The following EYS variants were observed in gnomAD, a reference collection of about 807,000 sequenced individuals.
EYS encodes the protein EGF-like photoreceptor maintenance factor.
EYS carries 250 observed loss-of-function variants against 282.1 expected under a neutral mutation model. The ratio of observed to expected loss-of-function variants is 0.89; its 90% confidence interval spans 0.80 to 0.98. EYS has a LOEUF of 0.98. Among genes scored for constraint, EYS ranks in the 50% least tolerant of loss-of-function variants. The pLI is 0.00. For missense variants in EYS, 4,016 were observed against 3,709.0 expected (o/e 1.08, Z -2.15); for synonymous variants, 1,355 against 1,282.9 (o/e 1.06, Z -1.20).
chr6:64,200,214 A>G (rs1765420716), intron 31 of EYS, among the ~76,000 whole-genome samples: 1 of 152,148 alleles, frequency 6.6e-6, no homozygotes, highest in Non-Finnish European at 1.5e-5. Flanking sequence ...CACAGGTGAT[A>G]TAACAGTGGT....
chr6:65,191,479 C>A (rs576908290), intron 12 of EYS, among the ~76,000 whole-genome samples: 10 of 151,850 alleles, frequency 6.6e-5, no homozygotes, highest in African/African-American at 2.4e-4. Flanking sequence ...CCAAAGAACT[C>A]AGAAAAATAT....
chr6:65,107,759 T>C (rs1775085847), intron 12 of EYS, among the ~76,000 whole-genome samples: 1 of 152,036 alleles, frequency 6.6e-6, no homozygotes, highest in Non-Finnish European at 1.5e-5. Context: ...CATTTGTTAA[T>C]GTCTAATGCA....
At chr6:63,878,689 C>T (rs1773046427) in intron 35 of EYS, among the ~76,000 whole-genome samples, 1 of 152,316 alleles carries the variant, frequency 6.6e-6, no homozygotes. Flanking sequence ...GACGCCCCTC[C>T]CCCACCCTTG....
At position 64,642,310 on chromosome 6, in the gene EYS, T is replaced by A. The variant is rs576790624; in HGVS notation, c.3444-16065A>T. Among the ~76,000 whole-genome samples, 286 of 152,360 alleles carry A rather than the reference T, an allele frequency of 1.9e-3. 2 individuals are homozygous for A. Among genetic ancestry groups the A allele is most frequent in the African/African-American group, 6.3e-3 (262 of 41,592 alleles). On this transcript the variant is annotated intron_variant, in intron 22 of 42. Transcript: ENST00000503581. ...TAACATTCATCTTAATAAACTTTTT[T>A]AATAATTACCAGTTTTCAGAACACA...
At chr6:64,382,268 G>T (rs1772771037) in intron 29 of EYS, among the ~76,000 whole-genome samples, 1 of 152,100 alleles carries the variant, frequency 6.6e-6, no homozygotes, top group South Asian at 2.1e-4. Flanking sequence ...CTCTCCTGAG[G>T]TTATGTCATC....
Position 65,005,830 on chromosome 6 carries a change from T to C in EYS, c.2138-8127A>G, listed in dbSNP as rs115096259. Among the ~76,000 whole-genome samples the C allele has an allele frequency of 8.5e-4, 129 of 152,294 alleles. 1 individual carries two copies. Among genetic ancestry groups the C allele is most frequent in the African/African-American group, 2.8e-3 (118 of 41,560 alleles). On this transcript the variant is annotated intron_variant, in intron 13 of 42. Coordinates refer to ENST00000503581, the MANE Select transcript of EYS (RefSeq NM_001142800.2). Reference sequence around the variant, plus strand: ...GTTAAGATCATGGCACAGCCAGAAGTCTCTACCCAGCAGTCGCCCATGCGT... The same window carrying C: ...GTTAAGATCATGGCACAGCCAGAAGCCTCTACCCAGCAGTCGCCCATGCGT...
chr6:65,209,876 T>C (rs1036392519), intron 12 of EYS, among the ~76,000 whole-genome samples: 3 of 151,770 alleles, frequency 2.0e-5, no homozygotes, highest in East Asian at 3.9e-4. Context: ...GAACAACACA[T>C]ATAAAAGCCC....
chr6:64,320,118 T>G (rs1355154728), intron 29 of EYS, among the ~76,000 whole-genome samples: 1 of 151,990 alleles, frequency 6.6e-6, no homozygotes, highest in East Asian at 1.9e-4. Flanking sequence ...AGTCAGCACT[T>G]AAAAGATATT....
Position 64,696,579 on chromosome 6 carries a change from G to GA in EYS, c.3444-70335dup, listed in dbSNP as rs1052009932. Among the ~76,000 whole-genome samples the GA allele has an allele frequency of 3.3e-5, 5 of 151,994 alleles. No homozygotes were observed. In the South Asian group the frequency reaches 8.3e-4, roughly 25 times the overall value. ...TAGACTCTCTAAAGTCAATATGTTG[G>GA]AAAAAAATTTCTAAAACCAGAAAGA... is the stretch of plus-strand genomic sequence containing the variant. On this transcript the variant is annotated intron_variant, in intron 22 of 42. Coordinates refer to ENST00000503581, the MANE Select transcript of EYS (RefSeq NM_001142800.2).
chr6:64,059,885 T>A (rs1481643030), intron 33 of EYS, among the ~76,000 whole-genome samples: 3 of 152,166 alleles, frequency 2.0e-5, no homozygotes, highest in African/African-American at 7.2e-5. Flanking sequence ...AATGATAAAG[T>A]ATTACCTATA....
intron 5 of EYS, among the ~76,000 whole-genome samples, chr6:65,430,208 G>A (rs576468685): frequency 6.6e-6 from 1 of 152,192 alleles, no homozygotes; most frequent in African/African-American, 2.4e-5. Context: ...CCAAAATCAG[G>A]TGAGCACTCA....
chr6:64,565,234 T>C (rs1765525947), intron 26 of EYS, among the ~76,000 whole-genome samples: 1 of 152,172 alleles, frequency 6.6e-6, no homozygotes, highest in African/African-American at 2.4e-5. Context: ...TTGTGTTTTT[T>C]GATGCCATAT....
chr6:63,969,790 G>T (rs1766469454), intron 35 of EYS, among the ~76,000 whole-genome samples: 1 of 152,172 alleles, frequency 6.6e-6, no homozygotes, highest in South Asian at 2.1e-4. Context: ...TGACAATGAG[G>T]AGTCCCTAAT....
chr6:64,925,956 C>T (rs1294123978), intron 15 of EYS, among the ~76,000 whole-genome samples: 1 of 152,098 alleles, frequency 6.6e-6, no homozygotes, highest in East Asian at 1.9e-4. Context: ...CATTGCTGGG[C>T]CTAAGACCCA....
At chr6:65,160,620 T>C (rs1764830246) in intron 12 of EYS, among the ~76,000 whole-genome samples, 1 of 150,902 alleles carries the variant, frequency 6.6e-6, no homozygotes, top group South Asian at 2.1e-4. Context: ...CTCTGATGTT[T>C]ATCCTTATAT....
chr6:64,507,082 A>G (rs920466308), intron 26 of EYS, among the ~76,000 whole-genome samples: 1 of 151,916 alleles, frequency 6.6e-6, no homozygotes, highest in African/African-American at 2.4e-5. Context: ...ATTAAATTAA[A>G]CATTTTTGTG....
At chr6:63,917,495 A>G (rs1339310577) in intron 35 of EYS, among the ~76,000 whole-genome samples, 2 of 152,210 alleles carry the variant, frequency 1.3e-5, no homozygotes. Context: ...GAACAGTCTC[A>G]CCTTCAACTT....
chr6:64,484,815 G>T (rs1280727285), intron 26 of EYS, among the ~76,000 whole-genome samples: 3 of 151,458 alleles, frequency 2.0e-5, no homozygotes, highest in Non-Finnish European at 4.4e-5. Context: ...GACTAAATGA[G>T]TTGCAAAGAT....
chr6:65,164,359 T>A (rs1764919786), intron 12 of EYS, among the ~76,000 whole-genome samples: 2 of 151,294 alleles, frequency 1.3e-5, no homozygotes, highest in African/African-American at 4.8e-5. Flanking sequence ...TCTATTGATC[T>A]ATTGATTGCT....
Sources: gnomAD v4.1 joint callset for allele counts (sites outside exome capture counted in the v4.1 genomes callset) on GRCh38, gnomAD v4.1.1 for gene constraint, MANE v1.5 for transcripts, NCBI Gene and HGNC (gene_info 2026-07-23, HGNC 2026-07-21) for gene names.